The following KCNU1 variants were observed in gnomAD, a reference collection of about 807,000 sequenced individuals.
KCNU1 encodes potassium calcium-activated channel subfamily U member 1.
Under a neutral mutation model 126.8 loss-of-function variants are expected in KCNU1, and 93 were observed. That is an observed-to-expected ratio of 0.73 (90% CI 0.62 to 0.87). The LOEUF is 0.87. KCNU1 is among the 40% of genes least tolerant of loss of function. KCNU1 has a pLI of 0.00. For missense variants in KCNU1, 1,330 were observed against 1,367.1 expected, an observed-to-expected ratio of 0.97 and a Z score of 0.43; for synonymous variants, 523 against 494.2, an observed-to-expected ratio of 1.06 and a Z score of -0.77.
In KCNU1 at chr8:36,831,513, T is replaced by C. The variant is rs540302960; in HGVS notation, c.1107-2041T>C. Among the ~76,000 whole-genome samples, 8 of 152,232 alleles carry C rather than the reference T, an allele frequency of 5.3e-5. No individual in the cohort carries two copies. The East Asian group carries it at 7.7e-4, about 15-fold the overall frequency. ...TTTGCATTTCTCTGATGGCCAGTGA[T>C]GGTGAGCATTTTTTCATGTGTTTTT... is the stretch of plus-strand genomic sequence containing the variant. On this transcript the variant is annotated intron_variant, in intron 10 of 26. Transcript: ENST00000399881.
chr8:36,922,688 G>T (rs1456508457), intron 24 of KCNU1, 59 bp downstream of exon 24: 3 of 1,547,492 alleles, frequency 1.9e-6, no homozygotes, highest in East Asian at 4.5e-5. Flanking sequence ...GAAGTGAACA[G>T]GTAGTATAAG....
Position 36,821,784 on chromosome 8 carries a change from T to A in KCNU1, c.1106+4024T>A, listed in dbSNP as rs191321031. Among the ~76,000 whole-genome samples, 424 of 152,272 alleles carry A rather than the reference T, an allele frequency of 2.8e-3. 1 individual carries two copies. The highest frequency in any genetic ancestry group is 3.7e-3 in the Non-Finnish European group (252 of 68,024). On this transcript the variant is annotated intron_variant, in intron 10 of 26. Coordinates refer to ENST00000399881, the MANE Select transcript of KCNU1 (RefSeq NM_001031836.3). ...TGCCTTCAGTAGAAACCATATTTTG[T>A]ATACTCACTTTCAGTGCAGTATTCA...
chr8:36,860,993 G>A (rs1280372067), intron 18 of KCNU1, among the ~76,000 whole-genome samples: 2 of 151,802 alleles, frequency 1.3e-5, no homozygotes, highest in Non-Finnish European at 2.9e-5. Context: ...TTCCTAGGGA[G>A]GAGAACTCTA....
chr8:36,836,467 AT>A, intron 13 of KCNU1, 102 bp downstream of exon 13: 1 of 792,386 alleles, frequency 1.3e-6, no homozygotes, highest in Non-Finnish European at 2.0e-6. Context: ...GTTTTTGCTA[AT>A]CATAGGTAAA....
chr8:36,868,364 G>T (rs1186313289), intron 19 of KCNU1, among the ~76,000 whole-genome samples: 1 of 152,068 alleles, frequency 6.6e-6, no homozygotes, highest in African/African-American at 2.4e-5. Context: ...ATAGAGACTA[G>T]TAGGCATTTT....
At chr8:36,850,817 T>A (rs529373716) in intron 18 of KCNU1, among the ~76,000 whole-genome samples, 1 of 152,330 alleles carries the variant, frequency 6.6e-6, no homozygotes, top group East Asian at 1.9e-4. Context: ...AACTTTACTC[T>A]TTTCATTGTG....
intron 6 of KCNU1, 139 bp from the exon 7 acceptor site, chr8:36,808,579 A>G (rs1205367163): frequency 1.3e-5 from 8 of 629,376 alleles, no homozygotes; most frequent in Non-Finnish European, 2.3e-5. Context: ...GGGATGCTGC[A>G]TTTCGAATAT....
chr8:36,857,209 T>A (rs1314793459), intron 18 of KCNU1, among the ~76,000 whole-genome samples: 1 of 152,148 alleles, frequency 6.6e-6, no homozygotes, highest in East Asian at 1.9e-4. Flanking sequence ...GCCTTGGGGG[T>A]GAGCTGGAGT....
At chr8:36,899,217 T>C (rs1367876438) in intron 19 of KCNU1, among the ~76,000 whole-genome samples, 1 of 152,036 alleles carries the variant, frequency 6.6e-6, no homozygotes, top group Admixed American at 6.6e-5. Flanking sequence ...TAATAGAAAC[T>C]CTATCCTAGT....
intron 23 of KCNU1, among the ~76,000 whole-genome samples, chr8:36,920,153 C>A (rs1808286648): frequency 6.6e-6 from 1 of 152,134 alleles, no homozygotes; most frequent in Non-Finnish European, 1.5e-5. Context: ...ACAGTTGGTT[C>A]TCTGTATCTG....
intron 7 of KCNU1, among the ~76,000 whole-genome samples, chr8:36,811,879 T>A (rs1803730578): frequency 6.6e-6 from 1 of 151,652 alleles, no homozygotes; most frequent in South Asian, 2.1e-4. Flanking sequence ...CCAGCCTGGC[T>A]AATGAAACCT....
chr8:36,927,899 G>GGA (rs1808580796), intron 24 of KCNU1, among the ~76,000 whole-genome samples: 1 of 151,242 alleles, frequency 6.6e-6, no homozygotes, highest in Non-Finnish European at 1.5e-5. Context: ...CAAGAGGGAT[G>GGA]GAGAGAGAGA....
chr8:36,872,510 C>T (rs1395108751), intron 19 of KCNU1, among the ~76,000 whole-genome samples: 1 of 152,056 alleles, frequency 6.6e-6, no homozygotes, highest in Non-Finnish European at 1.5e-5. Flanking sequence ...TGCTCTGTGA[C>T]CATAAGCAAG....
At chr8:36,817,616 C>T (rs779372973) in intron 9 of KCNU1, 34 bp from the exon 10 acceptor site, 23 of 1,113,864 alleles carry the variant, frequency 2.1e-5, no homozygotes, top group South Asian at 1.7e-4. Context: ...TTATGTGCCT[C>T]GGATGATCCA....
In KCNU1 at chr8:36,885,327, G is replaced by A. The variant is rs546291098; in HGVS notation, c.2010-20381G>A. Among the ~76,000 whole-genome samples, 3 of 152,268 alleles carry A rather than the reference G, an allele frequency of 2.0e-5. No homozygotes were observed. The South Asian group carries it at 6.2e-4, about 32-fold the overall frequency. ...CCTAGCACTTTGGGAGGCCGAGGCG[G>A]GCAGATCCCCTGAGGTCAGGAGTTG... is the stretch of plus-strand genomic sequence containing the variant. On this transcript the variant is annotated intron_variant, in intron 19 of 26. Coordinates refer to ENST00000399881, the MANE Select transcript of KCNU1 (RefSeq NM_001031836.3).
rs1366254823 is a variant in KCNU1 at position 36,831,145 on chromosome 8, A to G, written c.1107-2409A>G. ...GGTGTATATGTGCCACATTTTCTTA[A>G]TCCAGTCTGTCATTGTTGGACATTT... On this transcript the variant is annotated intron_variant, in intron 10 of 26. Coordinates refer to ENST00000399881, the MANE Select transcript of KCNU1 (RefSeq NM_001031836.3). Among the ~76,000 whole-genome samples the G allele has an allele frequency of 4.6e-5, 7 of 151,588 alleles. 1 individual carries two copies. The East Asian group carries it at 9.8e-4, about 21-fold the overall frequency.
rs531899461 is a variant in KCNU1 at position 36,807,560 on chromosome 8, G to C, written c.656+110G>C. 4.9e-6 allele frequency: 4 copies of C among 819,912 alleles called. No individual in the cohort carries two copies. In the African/African-American group the frequency reaches 6.8e-5, roughly 14 times the overall value. The allele number at this position is 819,912 out of a possible 1,614,324, so 50.8% of individuals were successfully genotyped here. On this transcript the variant is annotated intron_variant, in intron 6 of 26. Coordinates refer to ENST00000399881, the MANE Select transcript of KCNU1 (RefSeq NM_001031836.3). ...TTTCTTATCAGAATTTCAGTGCAAAGATCATGAAATCTCTCAGCTGCCAAA... is the reference window on the plus strand; with the variant it reads ...TTTCTTATCAGAATTTCAGTGCAAACATCATGAAATCTCTCAGCTGCCAAA...
intron 24 of KCNU1, among the ~76,000 whole-genome samples, chr8:36,926,480 G>A (rs569427235): frequency 1.2e-4 from 18 of 151,890 alleles, no homozygotes; most frequent in African/African-American, 1.9e-4. Context: ...TATTAGAGGC[G>A]CCTGCATAAG....
intron 18 of KCNU1, among the ~76,000 whole-genome samples, chr8:36,858,843 T>TA (rs1805627139): frequency 6.6e-6 from 1 of 152,166 alleles, no homozygotes; most frequent in Non-Finnish European, 1.5e-5. Context: ...TAATGAGACT[T>TA]TCAATTTTCA....
Sources: gnomAD v4.1 joint callset for allele counts (sites outside exome capture counted in the v4.1 genomes callset) on GRCh38, gnomAD v4.1.1 for gene constraint, MANE v1.5 for transcripts, NCBI Gene and HGNC (gene_info 2026-07-23, HGNC 2026-07-21) for gene names.